The following AGK variants were observed in gnomAD, a reference collection of about 807,000 sequenced individuals.
The protein encoded by AGK is acylglycerol kinase, mitochondrial.
AGK carries 52 observed loss-of-function variants against 66.4 expected under a neutral mutation model. The ratio of observed to expected loss-of-function variants is 0.78; its 90% CI spans 0.63 to 0.99. AGK has a LOEUF of 0.99. Ranked by LOEUF, AGK falls within the 50% of genes least tolerant of loss-of-function variation. The pLI is 0.00. For missense variants in AGK, 451 were observed against 506.6 expected, an observed-to-expected ratio of 0.89 and a Z score of 1.05; for synonymous variants, 182 against 181.1, an observed-to-expected ratio of 1.00 and a Z score of -0.04.
intron 11 of AGK, among the ~76,000 whole-genome samples, chr7:141,639,817 AT>A: frequency 6.6e-6 from 1 of 152,304 alleles, no homozygotes; most frequent in Non-Finnish European, 1.5e-5. Context: ...CAGCAGGAGT[AT>A]CATTTTCTTC....
chr7:141,596,435 G>T, intron 3 of AGK, 127 bp from the exon 4 acceptor site: 1 of 720,490 alleles, frequency 1.4e-6, no homozygotes, highest in Non-Finnish European at 2.4e-6. Flanking sequence ...GATCATGAAA[G>T]AATATTTTTC....
At chr7:141,560,824 T>C (rs1470739691) in intron 2 of AGK, among the ~76,000 whole-genome samples, 2 of 131,592 alleles carry the variant, frequency 1.5e-5, no homozygotes, top group Admixed American at 1.9e-4. Flanking sequence ...TGAGCCGGAG[T>C]CTCGCTCTGT....
intron 2 of AGK, among the ~76,000 whole-genome samples, chr7:141,558,466 A>G (rs540680950): frequency 1.5e-4 from 23 of 151,858 alleles, no homozygotes; most frequent in African/African-American, 5.3e-4. Context: ...CGCCTGGCCT[A>G]TATTATCTCT....
chr7:141,585,654 G>A (rs1024440723), intron 2 of AGK, among the ~76,000 whole-genome samples: 1 of 152,140 alleles, frequency 6.6e-6, no homozygotes, highest in Non-Finnish European at 1.5e-5. Flanking sequence ...TCCATGTAAA[G>A]TTGCTATTGG....
At chr7:141,553,930 C>T (rs752844205) in intron 1 of AGK, among the ~76,000 whole-genome samples, 7 of 151,846 alleles carry the variant, frequency 4.6e-5, no homozygotes, top group Non-Finnish European at 7.4e-5. Context: ...AAAAATTTTG[C>T]TTAAATTTTT....
At position 141,598,461 on chromosome 7, in the gene AGK, T is replaced by TA. The variant is rs1335624588; in HGVS notation, c.221+1821dup. ...CTGGTCTGTTTACTGTTTTGCCACT[T>TA]ACTAGCTCTATGATATTGTGGGAGT... On this transcript the variant is annotated intron_variant, in intron 4 of 15. Coordinates refer to ENST00000649286, the MANE Select transcript of AGK (RefSeq NM_018238.4). The surrounding 1 kb of genome is among the most constrained non-coding windows in gnomAD (Gnocchi z 4.2). Among the ~76,000 whole-genome samples, 1 of 152,210 alleles carries TA rather than the reference T, an allele frequency of 6.6e-6. No homozygotes were observed. Among genetic ancestry groups the TA allele is most frequent in the African/African-American group, 2.4e-5 (1 of 41,462 alleles).
intron 2 of AGK, among the ~76,000 whole-genome samples, chr7:141,591,380 A>G (rs1796114732): frequency 6.6e-6 from 1 of 152,120 alleles, no homozygotes; most frequent in African/African-American, 2.4e-5. Context: ...GGTGTGAGCC[A>G]CTGTGCCCTG....
In AGK at chr7:141,633,965, G is replaced by C. The variant is rs773018226; in HGVS notation, c.653G>C (p.Gly218Ala). The C allele has an allele frequency of 5.6e-6, 9 of 1,613,846 alleles. No homozygotes were observed. The highest frequency in any genetic ancestry group is 1.7e-6 in the Non-Finnish European group (2 of 1,179,774). ...CGATGGGGATCTTTCAGAGATGCTG[G>C]CGTCAAAGTTAGCAAGTAAAGGATT... ...GLRWGSFRDA[G>A]VKVSKYWYLG... is the part of the protein sequence containing the mutation. The change falls in exon 10 of 16, where the codon GGC becomes GCC. Residue 218 changes from glycine to alanine, a missense_variant. Physicochemically the swap from Gly to Ala is moderately conservative, Grantham distance 60 (BLOSUM62 0). Transcript: ENST00000649286.
chr7:141,651,621 AG>A lies in AGK; in HGVS notation c.1131+16del. ...TGCTTATCCCGGAGGTGAGTGGGGA[AG>A]GGGTCGGTAGTCACAGCATTTGATT... On this transcript the variant is annotated intron_variant, in intron 15 of 15. Coordinates refer to ENST00000649286, the MANE Select transcript of AGK (RefSeq NM_018238.4). The A allele has an allele frequency of 6.2e-7, 1 of 1,612,654 alleles. No homozygotes were observed.
intron 2 of AGK, among the ~76,000 whole-genome samples, chr7:141,588,303 C>T (rs1006759694): frequency 4.6e-5 from 7 of 152,162 alleles, no homozygotes; most frequent in South Asian, 4.2e-4. Context: ...GAATTCAGGG[C>T]GACTCCATAG....
intron 5 of AGK, among the ~76,000 whole-genome samples, chr7:141,603,696 C>T (rs986290583): frequency 4.6e-5 from 7 of 152,100 alleles, no homozygotes; most frequent in Admixed American, 2.0e-4. Context: ...TCAGTAGTCT[C>T]GCCTGGGCTC....
rs1237867198 is a variant in AGK, at chr7:141,614,135, T to C, written c.391-11T>C. On this transcript the variant is annotated splice_polypyrimidine_tract_variant and intron_variant, in intron 6 of 15. Coordinates refer to ENST00000649286, the MANE Select transcript of AGK (RefSeq NM_018238.4). ...ATTATTTATAACAATGTTTTATTAT[T>C]ACATTTGTAGGTTGTTACTGGTGTT... The C allele has an allele frequency of 1.3e-6, 2 of 1,514,490 alleles. No homozygotes were observed. The highest frequency in any genetic ancestry group is 1.9e-5 in the Admixed American group (1 of 53,744). 93.8% of individuals were successfully genotyped at this position (1,514,490 alleles called of 1,614,324 possible). A position where few individuals can be genotyped will look rare whatever the true frequency, so the allele number is the denominator to read the frequency against.
chr7:141,579,162 G>A (rs1795823236), intron 2 of AGK, among the ~76,000 whole-genome samples: 2 of 152,094 alleles, frequency 1.3e-5, no homozygotes, highest in Non-Finnish European at 1.5e-5. Context: ...GCTGTACCCT[G>A]TAGCATTCCA....
At chr7:141,615,101 A>AT (rs1198936282) in intron 7 of AGK, among the ~76,000 whole-genome samples, 8 of 152,224 alleles carry the variant, frequency 5.3e-5, no homozygotes, top group African/African-American at 2.4e-5. Context: ...AATGGTAGAC[A>AT]TTTTTAGTTG....
intron 2 of AGK, among the ~76,000 whole-genome samples, chr7:141,575,654 CTTTTTTTT>C (rs58292692): frequency 1.7e-4 from 10 of 58,242 alleles, no homozygotes; most frequent in African/African-American, 6.9e-4. Flanking sequence ...TTACAAAGGC[CTTTTTTTT>C]TTTTTTTTTT....
intron 2 of AGK, among the ~76,000 whole-genome samples, chr7:141,582,789 G>A (rs972962642): frequency 6.6e-6 from 1 of 151,750 alleles, no homozygotes; most frequent in African/African-American, 2.4e-5. Flanking sequence ...GCCAGACCGG[G>A]TGTGAGGAGG....
intron 11 of AGK, among the ~76,000 whole-genome samples, chr7:141,639,510 G>A (rs1274911819): frequency 6.6e-6 from 1 of 152,176 alleles, no homozygotes; most frequent in Non-Finnish European, 1.5e-5. Flanking sequence ...ATTGTCCCTG[G>A]ACAGGACAAG....
At chr7:141,652,210 T>C (rs1429238634) in intron 15 of AGK, among the ~76,000 whole-genome samples, 3 of 152,206 alleles carry the variant, frequency 2.0e-5, no homozygotes, top group Admixed American at 6.5e-5. Context: ...AAACAGAAGG[T>C]ATCCCCATAG....
At chr7:141,568,767 G>A (rs908676477) in intron 2 of AGK, among the ~76,000 whole-genome samples, 1 of 151,810 alleles carries the variant, frequency 6.6e-6, no homozygotes, top group Non-Finnish European at 1.5e-5. Context: ...GTAGAGATGG[G>A]GTTTCACCAT....
Sources: gnomAD v4.1 joint callset for allele counts (sites outside exome capture counted in the v4.1 genomes callset) on GRCh38, gnomAD v4.1.1 for gene constraint, Gnocchi (gnomAD v3.1) non-coding constraint, MANE v1.5 for transcripts, NCBI Gene and HGNC (gene_info 2026-07-23, HGNC 2026-07-21) for gene names.